Variants in KTN1 observed in about 807,000 individuals in gnomAD.
The protein encoded by KTN1 is kinectin 1, also known as kinectin.
KTN1 carries 130 observed loss-of-function variants against 222.5 expected under a neutral mutation model. That is an observed-to-expected ratio of 0.58 (90% CI 0.51 to 0.68). KTN1 has a LOEUF of 0.68. KTN1 is among the 30% of genes least tolerant of loss of function. The pLI is 0.00. For synonymous variants in KTN1, 512 were observed against 496.3 expected, an observed-to-expected ratio of 1.03 and a Z score of -0.42; for missense variants, 1,508 against 1,500.4, an observed-to-expected ratio of 1.01 and a Z score of -0.08.
intron 34 of KTN1, chr14:55,668,706 T>TTA (rs1172024216): frequency 6.6e-6 from 1 of 152,124 alleles, no homozygotes; most frequent in Non-Finnish European, 1.5e-5. Context: ...CTATGCTTTG[T>TTA]GGTATGATAA....
At chr14:55,639,087 C>A in intron 12 of KTN1, 98 bp from the exon 13 acceptor site, 2 of 768,498 alleles carry the variant, frequency 2.6e-6, no homozygotes, top group Non-Finnish European at 4.5e-6. Context: ...AATTTATATA[C>A]ATTAACTTCT....
Position 55,684,260 on chromosome 14 carries a change from A to AG in KTN1, c.*159dup. 1 of 497,304 alleles carries AG rather than the reference A, an allele frequency of 2.0e-6. No individual in the cohort carries two copies. The allele number at this position is 497,304 out of a possible 1,614,324, so 30.8% of individuals were successfully genotyped here. Reference sequence around the variant, plus strand: ...CCTTGTTAGACTACTGATTTAAAGAAGGAAAAAAAAAAGCCAACTCTGTAG... The same window carrying AG: ...CCTTGTTAGACTACTGATTTAAAGAAGGGAAAAAAAAAAGCCAACTCTGTAG... On this transcript the variant is annotated 3_prime_UTR_variant, in exon 44 of 44. Transcript: ENST00000395314.
chr14:55,615,036 G>A (rs1267681980), intron 2 of KTN1, among the ~76,000 whole-genome samples: 1 of 152,128 alleles, frequency 6.6e-6, no homozygotes, highest in African/African-American at 2.4e-5. Flanking sequence ...TCATCCAAGG[G>A]AAGTATTTTA....
Position 55,629,959 on chromosome 14 carries a change from AATG to A in KTN1, c.1088_1090del (p.Met363del), listed in dbSNP as rs767048834. On this transcript the variant is annotated inframe_deletion, in exon 7 of 44. Coordinates refer to ENST00000395314, the MANE Select transcript of KTN1 (RefSeq NM_001079521.2). ...AAATTTCTGGGATATTCTTTTAGGA[AATG>A]ATGACAGAGAAAGAAAGAAGCAATG... 1.3e-6 allele frequency: 2 copies of A among 1,583,010 alleles called. No homozygotes were observed. Among genetic ancestry groups the A allele is most frequent in the Non-Finnish European group, 1.7e-6 (2 of 1,154,250 alleles).
chr14:55,616,845 A>C (rs1040045443), intron 3 of KTN1, among the ~76,000 whole-genome samples, 191 bp downstream of exon 3: 12 of 152,226 alleles, frequency 7.9e-5, no homozygotes, highest in African/African-American at 2.9e-4. Flanking sequence ...GGCAGGGTGT[A>C]CATTTGAGAT....
chr14:55,642,787 T>G (rs935111735), intron 18 of KTN1, among the ~76,000 whole-genome samples: 1 of 152,226 alleles, frequency 6.6e-6, no homozygotes, highest in Non-Finnish European at 1.5e-5. Flanking sequence ...TGATATTAAG[T>G]GCATTATTAC....
intron 28 of KTN1, 72 bp from the exon 29 acceptor site, chr14:55,655,970 G>A (rs975922870): frequency 3.9e-6 from 3 of 765,864 alleles, no homozygotes; most frequent in Non-Finnish European, 6.4e-6. Context: ...TTTTTTCTTA[G>A]GGGTGATATT....
Position 55,651,928 on chromosome 14 carries a change from G to A in KTN1, c.2603+1G>A. 6.4e-7 allele frequency: 1 copy of A among 1,551,508 alleles called. No homozygotes were observed. The highest frequency in any genetic ancestry group is 8.8e-7 in the Non-Finnish European group (1 of 1,130,264). On this transcript the variant is annotated splice_donor_variant, in intron 25 of 43. Transcript: ENST00000395314. LOFTEE classifies it high-confidence loss of function. Reference sequence around the variant, plus strand: ...CCAAAGTTCAGGAGCTTCAGAACTTGTAAGTACCATTTATCTCATTTCCTT... The same window carrying A: ...CCAAAGTTCAGGAGCTTCAGAACTTATAAGTACCATTTATCTCATTTCCTT...
chr14:55,672,200 T>C (rs1462182207), intron 37 of KTN1: 2 of 241,192 alleles, frequency 8.3e-6, no homozygotes, highest in Non-Finnish European at 1.6e-5. Flanking sequence ...TAATATAGAA[T>C]TCAAGAAAAA....
chr14:55,652,828 G>A, intron 25 of KTN1, 22 bp from the exon 26 acceptor site: 1 of 1,487,404 alleles, frequency 6.7e-7, no homozygotes, highest in Admixed American at 2.0e-5. Flanking sequence ...TTCATTTAGA[G>A]TTCTGATTAA....
Position 55,619,428 on chromosome 14 carries a change from C to T in KTN1, c.963+116C>T, listed in dbSNP as rs139335918. 4.2e-3 allele frequency: 3,853 copies of T among 910,688 alleles called. 22 individuals are homozygous for T. Among genetic ancestry groups the T allele is most frequent in the South Asian group, 8.1e-3 (484 of 59,902 alleles). The allele number at this position is 910,688 out of a possible 1,614,324, so 56.4% of individuals were successfully genotyped here. A position where few individuals can be genotyped will look rare whatever the true frequency, so the allele number is the denominator to read the frequency against. On this transcript the variant is annotated intron_variant, in intron 5 of 43. Transcript: ENST00000395314. ...CCCATCCTTAACATCTCAGAACATA[C>T]ATCTGGAATGCCTTCAGAAATTACT...
chr14:55,604,931 T>G (rs1302512614), intron 1 of KTN1, among the ~76,000 whole-genome samples: 1 of 152,196 alleles, frequency 6.6e-6, no homozygotes, highest in Non-Finnish European at 1.5e-5. Context: ...CATAGTAGCC[T>G]CTTACTGCTG....
chr14:55,630,217 A>G, intron 7 of KTN1, 120 bp downstream of exon 7: 6 of 874,528 alleles, frequency 6.9e-6, no homozygotes, highest in Non-Finnish European at 1.1e-5. Context: ...TGGCTAGTGA[A>G]GTTCACTCTG....
At chr14:55,622,678 C>T (rs2039316086) in intron 5 of KTN1, among the ~76,000 whole-genome samples, 2 of 152,136 alleles carry the variant, frequency 1.3e-5, no homozygotes, top group Admixed American at 1.3e-4. Context: ...TAGTCTAGAC[C>T]ATGACCTTTC....
At chr14:55,593,533 G>T (rs2034519789) in intron 1 of KTN1, among the ~76,000 whole-genome samples, 1 of 150,470 alleles carries the variant, frequency 6.6e-6, no homozygotes, top group Non-Finnish European at 1.5e-5. Context: ...CTAGCTGCTT[G>T]GTTTTTTTTC....
chr14:55,606,179 A>G (rs539864984), intron 1 of KTN1, among the ~76,000 whole-genome samples: 1 of 152,246 alleles, frequency 6.6e-6, no homozygotes, highest in Non-Finnish European at 1.5e-5. Context: ...TAATATTTTA[A>G]CTGTATTCAA....
intron 2 of KTN1, among the ~76,000 whole-genome samples, chr14:55,616,135 T>G (rs1305712169): frequency 6.6e-6 from 1 of 152,096 alleles, no homozygotes; most frequent in African/African-American, 2.4e-5. Flanking sequence ...TTCACCACTT[T>G]GCCCAGGTTG....
At chr14:55,606,594 T>C (rs1165956171) in intron 1 of KTN1, among the ~76,000 whole-genome samples, 2 of 150,520 alleles carry the variant, frequency 1.3e-5, no homozygotes, top group African/African-American at 2.4e-5. Flanking sequence ...TGAAACACTA[T>C]AGTAAAAAAT....
intron 23 of KTN1, 50 bp from the exon 24 acceptor site, chr14:55,650,519 C>T (rs1369761359): frequency 6.5e-7 from 1 of 1,536,266 alleles, no homozygotes; most frequent in Non-Finnish European, 9.0e-7. Flanking sequence ...CATTTTATGT[C>T]AATTTCTGTG....
Sources: gnomAD v4.1 joint callset for allele counts (sites outside exome capture counted in the v4.1 genomes callset) on GRCh38, gnomAD v4.1.1 for gene constraint, MANE v1.5 for transcripts, NCBI Gene and HGNC (gene_info 2026-07-23, HGNC 2026-07-21) for gene names.